CASZ1: variants seen among roughly 807,000 people sequenced by gnomAD.
The protein encoded by CASZ1 is castor zinc finger 1.
A neutral mutation model predicts 135.2 loss-of-function variants in CASZ1; 28 were observed. The ratio of observed to expected loss-of-function variants is 0.21; its 90% confidence interval spans 0.15 to 0.28. The LOEUF is 0.28. Ranked by LOEUF, CASZ1 falls within the 10% of genes least tolerant of loss-of-function variation. The pLI, the probability that CASZ1 is intolerant of heterozygous loss-of-function variation, is 1.00. For synonymous variants in CASZ1, 1,068 were observed against 1,073.4 expected (o/e 0.99, Z 0.10); for missense variants, 2,161 against 2,453.3 (o/e 0.88, Z 2.52).
intron 2 of CASZ1, among the ~76,000 whole-genome samples, chr1:10,752,252 G>C (rs1640163636): frequency 6.6e-6 from 1 of 152,146 alleles, no homozygotes; most frequent in Non-Finnish European, 1.5e-5. Flanking sequence ...CTACACAGTG[G>C]GCCATCCCTG....
chr1:10,743,440 G>A lies in CASZ1; in HGVS notation c.-77+17261C>T, dbSNP rs1639967538. Among the ~76,000 whole-genome samples the A allele has an allele frequency of 4.0e-5, 6 of 151,308 alleles. No individual in the cohort carries two copies. In the South Asian group the frequency reaches 1.3e-3, roughly 32 times the overall value. ...GAAGGAGAGCCCTGGGAGAGCCCTGGGCCTCCACCGAGAACCTTCTAAGTG... is the reference window on the plus strand; with the variant it reads ...GAAGGAGAGCCCTGGGAGAGCCCTGAGCCTCCACCGAGAACCTTCTAAGTG... On this transcript the variant is annotated intron_variant, in intron 2 of 20. Coordinates refer to ENST00000377022, the MANE Select transcript of CASZ1 (RefSeq NM_001079843.3).
intron 4 of CASZ1, among the ~76,000 whole-genome samples, chr1:10,689,591 C>A (rs1311283575): frequency 6.6e-6 from 1 of 152,188 alleles, no homozygotes; most frequent in South Asian, 2.1e-4. Context: ...TCTGCCTCTG[C>A]CTCTTGTTGG....
chr1:10,708,325 T>C (rs1045138024), intron 2 of CASZ1, among the ~76,000 whole-genome samples: 1 of 152,172 alleles, frequency 6.6e-6, no homozygotes, highest in Non-Finnish European at 1.5e-5. Context: ...CAAGTAAGGA[T>C]GAGTGATACC....
rs571622001 is a variant in CASZ1, at chr1:10,653,669, G to T, written c.2388C>A (p.Pro796=). The T allele has an allele frequency of 1.2e-5, 18 of 1,558,708 alleles. No individual in the cohort carries two copies. The highest frequency in any genetic ancestry group is 1.5e-5 in the Non-Finnish European group (17 of 1,152,824). ...GTATGGGGAAGTAGGGCGTGGGGGT[G>T]GGCAGGCCCGAGTTGGAGAGGGCCA... The part of the protein sequence containing the change: ...LALALSNSGL[P]TPTPYFPILA... The change falls in exon 11 of 21, where the codon CCC becomes CCA. Residue 796 remains proline (P), a synonymous_variant. Transcript: ENST00000377022.
intron 8 of CASZ1, among the ~76,000 whole-genome samples, chr1:10,656,226 C>T (rs1003049601): frequency 6.6e-6 from 1 of 151,656 alleles, no homozygotes; most frequent in Non-Finnish European, 1.5e-5. Flanking sequence ...CACTCACCAG[C>T]CCCGCGCTCA....
Position 10,720,591 on chromosome 1 carries a change from C to T in CASZ1, c.-76-15047G>A, listed in dbSNP as rs1410369208. ...GCCTATCAAAAACTGTACATTCGCT[C>T]GGCTTTCCACGGGACTCATGTCCTA... is the stretch of plus-strand genomic sequence containing the variant. On this transcript the variant is annotated intron_variant, in intron 2 of 20. Coordinates refer to ENST00000377022, the MANE Select transcript of CASZ1 (RefSeq NM_001079843.3). The surrounding 1 kb of genome is among the most constrained non-coding windows in gnomAD (Gnocchi z 5.7). Among the ~76,000 whole-genome samples the T allele has an allele frequency of 6.6e-6, 1 of 152,200 alleles. No homozygotes were observed. Among genetic ancestry groups the T allele is most frequent in the Non-Finnish European group, 1.5e-5 (1 of 68,030 alleles).
chr1:10,659,572 T>G, intron 6 of CASZ1, 130 bp downstream of exon 6: 1 of 708,564 alleles, frequency 1.4e-6, no homozygotes, highest in Non-Finnish European at 2.5e-6. Flanking sequence ...CGCGCCTGGA[T>G]GCACAGTGGA....
chr1:10,687,864 C>T (rs1406701543), intron 4 of CASZ1, among the ~76,000 whole-genome samples: 2 of 152,220 alleles, frequency 1.3e-5, no homozygotes, highest in Non-Finnish European at 2.9e-5. Context: ...GCCCCTTTCA[C>T]GTCATCCCAA....
intron 3 of CASZ1, among the ~76,000 whole-genome samples, chr1:10,703,633 C>A (rs1464010609): frequency 6.6e-6 from 1 of 152,002 alleles, no homozygotes; most frequent in African/African-American, 2.4e-5. Context: ...TTTCAAGGTG[C>A]TCCCTGGAAT....
At chr1:10,764,160 G>A (rs865827810) in intron 1 of CASZ1, among the ~76,000 whole-genome samples, 55 of 152,306 alleles carry the variant, frequency 3.6e-4, no homozygotes, top group African/African-American at 1.2e-3. Flanking sequence ...ACCGCACCCA[G>A]CCCTGTTGGC....
At position 10,650,708 on chromosome 1, in the gene CASZ1, G is replaced by A. The variant is rs1474975765; in HGVS notation, c.2864C>T (p.Ser955Phe). 50 of 1,613,826 alleles carry A rather than the reference G, an allele frequency of 3.1e-5. No individual in the cohort carries two copies. The highest frequency in any genetic ancestry group is 4.1e-5 in the Non-Finnish European group (48 of 1,179,784). ...HAVPANSSLL[S>F]SLMNKMSQGN... ...GGCTCTTACCTTATTCATAAGCGAG[G>A]ATAAAAGAGATGAATTTGCCGGGAC... is the stretch of plus-strand genomic sequence containing the variant. The change falls in exon 13 of 21, where the codon TCC becomes TTC. Residue 955 changes from serine to phenylalanine, a missense_variant. Ser to Phe is a radical substitution (Grantham distance 155). Around this residue, in one of 7 missense-constraint regions of CASZ1, gnomAD observed 406 missense variants for 387.6 expected, o/e 1.05. Transcript: ENST00000377022.
intron 4 of CASZ1, among the ~76,000 whole-genome samples, chr1:10,681,200 CTT>C (rs58517587): frequency 0.042 from 6,131 of 146,454 alleles, 423 homozygotes; most frequent in African/African-American, 0.14. Context: ...CGTGCCTGAC[CTT>C]TTTTTTTTTT....
chr1:10,789,710 T>C (rs1291141739), intron 1 of CASZ1, among the ~76,000 whole-genome samples: 6 of 151,696 alleles, frequency 4.0e-5, no homozygotes, highest in Admixed American at 6.6e-5. Context: ...TAAACCCATC[T>C]CTCTTCTTCC....
chr1:10,705,186 C>T (rs1228752615), intron 3 of CASZ1, among the ~76,000 whole-genome samples: 2 of 152,242 alleles, frequency 1.3e-5, no homozygotes, highest in Non-Finnish European at 2.9e-5. Flanking sequence ...AACCTGAGCC[C>T]AGCCACCACA....
chr1:10,703,951 C>A (rs1639114920), intron 3 of CASZ1, among the ~76,000 whole-genome samples: 2 of 152,188 alleles, frequency 1.3e-5, no homozygotes, highest in Admixed American at 1.3e-4. Flanking sequence ...AGAATGGAAG[C>A]ACTTGGGGCT....
At chr1:10,665,034 G>A (rs760677964) in intron 5 of CASZ1, 49 bp downstream of exon 5, 1 of 1,481,698 alleles carries the variant, frequency 6.7e-7, no homozygotes. Flanking sequence ...CTTCCCCACT[G>A]GCCTCCCTGT....
At chr1:10,792,164 A>G (rs925742612) in intron 1 of CASZ1, among the ~76,000 whole-genome samples, 1 of 149,470 alleles carries the variant, frequency 6.7e-6, no homozygotes, top group African/African-American at 2.5e-5. Flanking sequence ...AAAGAAAGAA[A>G]AAAAAAAAAA....
chr1:10,761,950 A>T (rs560132920), intron 1 of CASZ1, among the ~76,000 whole-genome samples: 1 of 152,204 alleles, frequency 6.6e-6, no homozygotes, highest in Admixed American at 6.5e-5. Flanking sequence ...GGAAGATTGC[A>T]GCAGCCACAG....
In CASZ1 at chr1:10,791,744, GGA is replaced by G. The variant is rs34741257; in HGVS notation, c.-234+4818_-234+4819del. On this transcript the variant is annotated intron_variant, in intron 1 of 20. Coordinates refer to ENST00000377022, the MANE Select transcript of CASZ1 (RefSeq NM_001079843.3). Reference sequence around the variant, plus strand: ...AAAAAAGAGAGAGAGAAAAAGAGGGGGAGAGAGAGAGAGAGAAGAGAGAGATG... The same window carrying G: ...AAAAAAGAGAGAGAGAAAAAGAGGGGGAGAGAGAGAGAGAAGAGAGAGATG... Among the ~76,000 whole-genome samples, 272 of 151,284 alleles carry G rather than the reference GGA, an allele frequency of 1.8e-3. 8 individuals are homozygous for G. In the East Asian group the frequency reaches 0.048, roughly 27 times the overall value.
Sources: gnomAD v4.1 joint callset for allele counts (sites outside exome capture counted in the v4.1 genomes callset) on GRCh38, gnomAD v4.1.1 for gene constraint, gnomAD v4.1.1 regional missense constraint, Gnocchi (gnomAD v3.1) non-coding constraint, MANE v1.5 for transcripts, NCBI Gene and HGNC (gene_info 2026-07-23, HGNC 2026-07-21) for gene names.